Variants in NDUFAF5 observed in about 807,000 individuals in gnomAD.
NDUFAF5 encodes the protein NADH:ubiquinone oxidoreductase complex assembly factor 5, also known as arginine-hydroxylase NDUFAF5, mitochondrial.
NDUFAF5 carries 34 observed loss-of-function variants against 48.9 expected under a neutral mutation model. That is an observed-to-expected ratio of 0.70 (90% CI 0.53 to 0.93). NDUFAF5 has a LOEUF of 0.93. NDUFAF5 is among the 40% of genes least tolerant of loss of function. NDUFAF5 has a pLI of 0.00. For synonymous variants in NDUFAF5, 153 were observed against 150.6 expected, an observed-to-expected ratio of 1.02 and a Z score of -0.12; for missense variants, 428 against 427.5, an observed-to-expected ratio of 1.00 and a Z score of -0.01.
At position 13,786,327 on chromosome 20, in the gene NDUFAF5, A is replaced by AT. The variant is rs1981115547; in HGVS notation, c.223-979dup. ...ATTATAGGAAGTTTACTACCAATAA[A>AT]TTTTTTGTGTCTCACTTGTAAGGCA... On this transcript the variant is annotated intron_variant, in intron 1 of 10. Coordinates refer to ENST00000378106, the MANE Select transcript of NDUFAF5 (RefSeq NM_024120.5). 1.3e-5 allele frequency among the ~76,000 whole-genome samples: 2 copies of AT among 152,140 alleles called. 1 individual carries two copies. The highest frequency in any genetic ancestry group is 1.3e-4 in the Admixed American group (2 of 15,280).
chr20:13,807,366 C>G (rs1245424725), intron 7 of NDUFAF5, among the ~76,000 whole-genome samples: 1 of 152,064 alleles, frequency 6.6e-6, no homozygotes, highest in Admixed American at 6.6e-5. Context: ...CTTCTCAAAC[C>G]CTGGTCCCTT....
At chr20:13,803,191 G>T in intron 7 of NDUFAF5, 1 of 152,336 alleles carries the variant, frequency 6.6e-6, no homozygotes, top group Non-Finnish European at 1.5e-5. Flanking sequence ...ATGTTGGAAA[G>T]GAGCCTCCAG....
intron 4 of NDUFAF5, 24 bp downstream of exon 4, chr20:13,793,251 G>C: frequency 6.3e-7 from 1 of 1,577,336 alleles, no homozygotes; most frequent in Non-Finnish European, 8.7e-7. Context: ...TAATACTGTT[G>C]GTTTCTAATC....
chr20:13,806,716 C>T (rs1215926807), intron 7 of NDUFAF5, among the ~76,000 whole-genome samples: 1 of 152,090 alleles, frequency 6.6e-6, no homozygotes, highest in Non-Finnish European at 1.5e-5. Flanking sequence ...CTTAGGATCT[C>T]CTCTTAAAAA....
chr20:13,809,400 A>G (rs567900667), intron 8 of NDUFAF5, among the ~76,000 whole-genome samples: 4 of 152,354 alleles, frequency 2.6e-5, no homozygotes, highest in Non-Finnish European at 5.9e-5. Flanking sequence ...GCTCTAAAAA[A>G]AAATGGAGAT....
chr20:13,787,153 T>G, intron 1 of NDUFAF5, 159 bp from the exon 2 acceptor site: 1 of 785,668 alleles, frequency 1.3e-6, no homozygotes, highest in Non-Finnish European at 2.2e-6. Flanking sequence ...TTTGCCTCAA[T>G]TTTGTTTCCT....
rs1980720766 is a variant in NDUFAF5, at chr20:13,785,116, G to A, written c.48G>A (p.Ala16=). 1 of 1,613,560 alleles carries A rather than the reference G, an allele frequency of 6.2e-7. No individual in the cohort carries two copies. The highest frequency in any genetic ancestry group is 8.5e-7 in the Non-Finnish European group (1 of 1,179,944). ...GLWRLCRRPW[A]ARVPAENLGR... is the part of the protein sequence containing the mutation. ...GGCGCTTATGTCGGCGACCTTGGGC[G>A]GCGAGGGTCCCAGCGGAGAATCTTG... The change falls in exon 1 of 11, where the codon GCG becomes GCA. Residue 16 remains alanine (A), a synonymous_variant. Transcript: ENST00000378106.
rs1437770276 is a variant in NDUFAF5 at position 13,819,952 on chromosome 20, G to A, written c.*2742G>A. Reference sequence around the variant, plus strand: ...AGGTTCTGGGAGAAAGACTCCTTTGGAATAAAATTCATGAGCTTTATTGGT... The same window carrying A: ...AGGTTCTGGGAGAAAGACTCCTTTGAAATAAAATTCATGAGCTTTATTGGT... On this transcript the variant is annotated 3_prime_UTR_variant, in exon 11 of 11. Coordinates refer to ENST00000378106, the MANE Select transcript of NDUFAF5 (RefSeq NM_024120.5). 1 of 152,114 alleles carries A rather than the reference G, an allele frequency of 6.6e-6. No homozygotes were observed. The highest frequency in any genetic ancestry group is 1.5e-5 in the Non-Finnish European group (1 of 68,022). 9.4% of individuals were successfully genotyped at this position (152,114 alleles called of 1,614,324 possible).
Position 13,817,323 on chromosome 20 carries a change from C to T in NDUFAF5, c.*113C>T. The T allele has an allele frequency of 1.2e-6, 1 of 854,010 alleles. No homozygotes were observed. The highest frequency in any genetic ancestry group is 2.0e-6 in the Non-Finnish European group (1 of 493,792). The allele number at this position is 854,010 out of a possible 1,614,324, so 52.9% of individuals were successfully genotyped here. On this transcript the variant is annotated 3_prime_UTR_variant, in exon 11 of 11. Coordinates refer to ENST00000378106, the MANE Select transcript of NDUFAF5 (RefSeq NM_024120.5). The stretch of plus-strand genomic sequence containing the variant: ...GCACTCTAAGCTATTTACTAATAGG[C>T]TTTTCATATAATTAGGAAAACCTAA...
chr20:13,812,367 C>G (rs1351319643), intron 8 of NDUFAF5, among the ~76,000 whole-genome samples: 1 of 152,190 alleles, frequency 6.6e-6, no homozygotes, highest in Non-Finnish European at 1.5e-5. Flanking sequence ...CCCCAGCATA[C>G]CCCAAGGACT....
intron 6 of NDUFAF5, among the ~76,000 whole-genome samples, chr20:13,800,998 A>T (rs904067746): frequency 2.0e-5 from 3 of 152,314 alleles, no homozygotes; most frequent in Non-Finnish European, 2.9e-5. Flanking sequence ...TAGACGTGGA[A>T]CTGGCACACT....
At chr20:13,791,466 C>T (rs1216881006) in intron 3 of NDUFAF5, among the ~76,000 whole-genome samples, 1 of 151,978 alleles carries the variant, frequency 6.6e-6, no homozygotes, top group Non-Finnish European at 1.5e-5. Context: ...CAATTGAAGC[C>T]GTAGAAATAG....
At chr20:13,812,775 A>G in intron 8 of NDUFAF5, among the ~76,000 whole-genome samples, 1 of 152,214 alleles carries the variant, frequency 6.6e-6, no homozygotes, top group Non-Finnish European at 1.5e-5. Flanking sequence ...TTTGATATGT[A>G]TGTGATTCTT....
intron 7 of NDUFAF5, chr20:13,803,381 C>T (rs919690831): frequency 6.6e-6 from 1 of 152,224 alleles, no homozygotes; most frequent in Non-Finnish European, 1.5e-5. Context: ...GAGTGCTCTA[C>T]TTTGTAATGA....
intron 3 of NDUFAF5, 133 bp from the exon 4 acceptor site, chr20:13,793,047 A>G: frequency 5.5e-6 from 5 of 902,930 alleles, no homozygotes; most frequent in South Asian, 1.4e-5. Context: ...TTTGTGTACC[A>G]TACTGGTTTT....
chr20:13,820,465 G>A lies in NDUFAF5; in HGVS notation c.*3255G>A, dbSNP rs74179721. 10,485 of 152,140 alleles carry A rather than the reference G, an allele frequency of 0.069. 402 individuals are homozygous for A. Among genetic ancestry groups the A allele is most frequent in the Non-Finnish European group, 0.087 (5,930 of 68,038 alleles). 9.4% of individuals were successfully genotyped at this position (152,140 alleles called of 1,614,324 possible). The stretch of plus-strand genomic sequence containing the variant: ...TCTCAACACTTTGGGAAGCTGAGAC[G>A]GGAGGATTGCTTGAGCCCAGGAGTT... On this transcript the variant is annotated 3_prime_UTR_variant, in exon 11 of 11. Coordinates refer to ENST00000378106, the MANE Select transcript of NDUFAF5 (RefSeq NM_024120.5).
chr20:13,817,349 T>C lies in NDUFAF5; in HGVS notation c.*139T>C, dbSNP rs1240057251. On this transcript the variant is annotated 3_prime_UTR_variant, in exon 11 of 11. Coordinates refer to ENST00000378106, the MANE Select transcript of NDUFAF5 (RefSeq NM_024120.5). ...TTTTCATATAATTAGGAAAACCTAA[T>C]ATCACATCTATAGTAACCATTTCAG... 1 of 749,824 alleles carries C rather than the reference T, an allele frequency of 1.3e-6. No homozygotes were observed. The highest frequency in any genetic ancestry group is 1.9e-5 in the Admixed American group (1 of 51,980). The allele number at this position is 749,824 out of a possible 1,614,324, so 46.4% of individuals were successfully genotyped here.
In NDUFAF5 at chr20:13,817,723, T is replaced by G. The variant is rs1489519866; in HGVS notation, c.*513T>G. The stretch of plus-strand genomic sequence containing the variant: ...ATGGTGTGGGTGGGACCACCATGGT[T>G]TTACACCCCACCCTACCTTAGGGAA... On this transcript the variant is annotated 3_prime_UTR_variant, in exon 11 of 11. Transcript: ENST00000378106. The G allele has an allele frequency of 2.2e-6, 1 of 454,110 alleles. No homozygotes were observed. The highest frequency in any genetic ancestry group is 4.4e-6 in the Non-Finnish European group (1 of 226,790). The allele number at this position is 454,110 out of a possible 1,614,324, so 28.1% of individuals were successfully genotyped here.
chr20:13,812,605 T>C (rs1008376566), intron 8 of NDUFAF5, among the ~76,000 whole-genome samples: 2 of 152,228 alleles, frequency 1.3e-5, no homozygotes, highest in African/African-American at 4.8e-5. Context: ...TTTCAACATA[T>C]GAGCAGCACT....
Sources: gnomAD v4.1 joint callset for allele counts (sites outside exome capture counted in the v4.1 genomes callset) on GRCh38, gnomAD v4.1.1 for gene constraint, MANE v1.5 for transcripts, NCBI Gene and HGNC (gene_info 2026-07-23, HGNC 2026-07-21) for gene names.